The following CSMD3 variants were observed in gnomAD, a reference collection of about 807,000 sequenced individuals.
The protein encoded by CSMD3 is CUB and Sushi multiple domains 3, also known as CUB and sushi domain-containing protein 3.
CSMD3 carries 177 observed loss-of-function variants against 435.2 expected under a neutral mutation model. The ratio of observed to expected loss-of-function variants is 0.41; its 90% confidence interval spans 0.36 to 0.46. The LOEUF (loss-of-function observed/expected upper bound fraction) is 0.46, where lower values mean the gene tolerates loss of function less well. CSMD3 is among the 20% of genes least tolerant of loss of function. The pLI is 0.34. For missense variants in CSMD3, 4,265 were observed against 4,504.6 expected (o/e 0.95, Z 1.52); for synonymous variants, 1,656 against 1,520.5 (o/e 1.09, Z -2.07).
chr8:112,846,048 T>C (rs1019742656), intron 11 of CSMD3, among the ~76,000 whole-genome samples: 2 of 152,010 alleles, frequency 1.3e-5, no homozygotes, highest in African/African-American at 4.8e-5. Context: ...ACTCACTCTA[T>C]ACCTATGCCT....
intron 27 of CSMD3, among the ~76,000 whole-genome samples, chr8:112,540,828 G>A (rs1273429717): frequency 6.6e-6 from 1 of 151,924 alleles, no homozygotes; most frequent in African/African-American, 2.4e-5. Flanking sequence ...CAGTTATACA[G>A]AAGGCACAAA....
intron 6 of CSMD3, among the ~76,000 whole-genome samples, chr8:113,010,153 C>A (rs1336963642): frequency 2.6e-5 from 4 of 151,592 alleles, no homozygotes; most frequent in Non-Finnish European, 3.0e-5. Flanking sequence ...GGACCGCCCA[C>A]CTTGTGCACA....
At chr8:112,251,819 G>C (rs564285443) in intron 63 of CSMD3, among the ~76,000 whole-genome samples, 2 of 151,864 alleles carry the variant, frequency 1.3e-5, no homozygotes, top group Admixed American at 6.6e-5. Context: ...GTGTGTATGT[G>C]TGCTTGTCAT....
At chr8:113,062,659 T>A (rs77326226) in intron 5 of CSMD3, among the ~76,000 whole-genome samples, 5,202 of 151,902 alleles carry the variant, frequency 0.034, 117 homozygotes, top group Middle Eastern at 0.061. Context: ...ATGAACCATA[T>A]CATTAAAATA....
At chr8:113,214,960 CTA>C (rs2092884706) in intron 3 of CSMD3, among the ~76,000 whole-genome samples, 1 of 151,550 alleles carries the variant, frequency 6.6e-6, no homozygotes, top group African/African-American at 2.4e-5. Flanking sequence ...TGATATGAAA[CTA>C]AAACGAAATT....
At chr8:113,134,482 G>A (rs1366730169) in intron 4 of CSMD3, among the ~76,000 whole-genome samples, 3 of 151,922 alleles carry the variant, frequency 2.0e-5, no homozygotes, top group South Asian at 2.1e-4. Context: ...ACACACAGTC[G>A]AAGGATTTGG....
chr8:113,229,068 G>T (rs776457547), intron 3 of CSMD3, among the ~76,000 whole-genome samples: 1 of 151,394 alleles, frequency 6.6e-6, no homozygotes, highest in Non-Finnish European at 1.5e-5. Flanking sequence ...GTCTTGCATG[G>T]GGTATCTTTG....
intron 10 of CSMD3, among the ~76,000 whole-genome samples, chr8:112,899,134 T>C (rs1278567046): frequency 6.6e-6 from 1 of 151,232 alleles, no homozygotes; most frequent in Non-Finnish European, 1.5e-5. Context: ...TTTTAAATCC[T>C]TAATTTTAAT....
intron 22 of CSMD3, among the ~76,000 whole-genome samples, chr8:112,600,143 T>C (rs576302148): frequency 2.0e-5 from 3 of 152,196 alleles, no homozygotes; most frequent in East Asian, 3.9e-4. Context: ...GAAAAAAATC[T>C]ATGTGATTTT....
intron 20 of CSMD3, among the ~76,000 whole-genome samples, chr8:112,642,808 G>T (rs1283850560): frequency 6.6e-6 from 1 of 152,122 alleles, no homozygotes; most frequent in Admixed American, 6.5e-5. Context: ...AGATGATTTA[G>T]ATTACTACAA....
At chr8:113,287,148 C>T (rs1252757461) in intron 2 of CSMD3, among the ~76,000 whole-genome samples, 1 of 151,754 alleles carries the variant, frequency 6.6e-6, no homozygotes, top group African/African-American at 2.4e-5. Flanking sequence ...TTTGCTGCAC[C>T]CTGTACTGCT....
chr8:112,683,959 CA>C (rs1229660663), intron 15 of CSMD3, among the ~76,000 whole-genome samples: 4 of 151,448 alleles, frequency 2.6e-5, no homozygotes, highest in Non-Finnish European at 5.9e-5. Flanking sequence ...TTTGATTAAG[CA>C]GTGTAACTCT....
intron 4 of CSMD3, among the ~76,000 whole-genome samples, chr8:113,148,336 A>G (rs1317509956): frequency 6.6e-6 from 1 of 151,714 alleles, no homozygotes; most frequent in Non-Finnish European, 1.5e-5. Context: ...TACTCTTCAA[A>G]TTAAAGTCTG....
chr8:112,926,556 GT>G (rs1426540296), intron 9 of CSMD3, among the ~76,000 whole-genome samples: 1 of 152,088 alleles, frequency 6.6e-6, no homozygotes, highest in Non-Finnish European at 1.5e-5. Context: ...GCTGGTCAAT[GT>G]TTAAGTGCTG....
At chr8:113,141,518 G>A in intron 4 of CSMD3, among the ~76,000 whole-genome samples, 1 of 150,596 alleles carries the variant, frequency 6.6e-6, no homozygotes, top group Non-Finnish European at 1.5e-5. Flanking sequence ...ATACAAAGCT[G>A]GTTAAATATT....
chr8:112,768,299 G>A (rs573081662), intron 13 of CSMD3, among the ~76,000 whole-genome samples: 2 of 151,952 alleles, frequency 1.3e-5, no homozygotes, highest in African/African-American at 4.8e-5. Flanking sequence ...TGGGTGTGGT[G>A]AGAGTTCGTA....
intron 6 of CSMD3, among the ~76,000 whole-genome samples, chr8:112,998,685 G>C (rs1031640511): frequency 3.3e-5 from 5 of 151,900 alleles, no homozygotes; most frequent in African/African-American, 1.2e-4. Flanking sequence ...GTTTGGATTT[G>C]TGTCTCCACC....
At chr8:112,506,910 C>T (rs147143313) in intron 28 of CSMD3, 81 bp from the exon 29 acceptor site, 1 of 1,263,056 alleles carries the variant, frequency 7.9e-7, no homozygotes, top group East Asian at 2.5e-5. Flanking sequence ...AATCACGTCT[C>T]TAAAAGAGCT....
chr8:112,252,865 A>C (rs970515501), intron 63 of CSMD3, among the ~76,000 whole-genome samples: 1 of 151,494 alleles, frequency 6.6e-6, no homozygotes, highest in African/African-American at 2.4e-5. Flanking sequence ...TATAGAATAT[A>C]ATGATTTAAT....
Sources: gnomAD v4.1 joint callset for allele counts (sites outside exome capture counted in the v4.1 genomes callset) on GRCh38, gnomAD v4.1.1 for gene constraint, MANE v1.5 for transcripts, NCBI Gene and HGNC (gene_info 2026-07-23, HGNC 2026-07-21) for gene names.